Variants in SNX13 observed in about 807,000 individuals in gnomAD.
SNX13 encodes the protein sorting nexin 13.
A neutral mutation model predicts 133.6 loss-of-function variants in SNX13; 45 were observed. That is an observed-to-expected ratio of 0.34 (90% CI 0.27 to 0.43). The LOEUF is 0.43. Ranked by LOEUF, SNX13 falls within the 20% of genes least tolerant of loss-of-function variation. The probability of loss-of-function intolerance (pLI) is 1.00; values close to 1 mark genes in which losing one functional copy is unlikely to be tolerated. For missense variants in SNX13, 1,032 were observed against 1,145.1 expected, an observed-to-expected ratio of 0.90 and a Z score of 1.43; for synonymous variants, 414 against 373.9, an observed-to-expected ratio of 1.11 and a Z score of -1.24.
At chr7:17,834,009 T>A (rs368702040) in intron 15 of SNX13, 43 bp downstream of exon 15, 4 of 1,339,124 alleles carry the variant, frequency 3.0e-6, no homozygotes, top group Middle Eastern at 1.9e-4. Context: ...AGAATATATA[T>A]AAATATATAT....
chr7:17,810,975 A>G lies in SNX13; in HGVS notation c.2064+3859T>C, dbSNP rs572572843. Among the ~76,000 whole-genome samples the G allele has an allele frequency of 2.0e-5, 3 of 152,326 alleles. No individual in the cohort carries two copies. The South Asian group carries it at 6.2e-4, about 32-fold the overall frequency. On this transcript the variant is annotated intron_variant, in intron 20 of 25. Transcript: ENST00000428135. ...ACACCCCTTCATGCTAAAAACTCTC[A>G]ATAAACTAGGTATCAATGGAACGTA...
intron 9 of SNX13, among the ~76,000 whole-genome samples, chr7:17,866,104 C>A (rs1793365378): frequency 6.6e-6 from 1 of 152,058 alleles, no homozygotes; most frequent in South Asian, 2.1e-4. Flanking sequence ...CATAAGACCT[C>A]AAAAGCATAG....
intron 5 of SNX13, chr7:17,888,789 C>T: frequency 2.1e-6 from 1 of 468,740 alleles, no homozygotes; most frequent in Non-Finnish European, 4.4e-6. Context: ...GACAATTATC[C>T]TGAGAGGAAC....
At chr7:17,830,895 C>A in intron 15 of SNX13, 1 of 984,310 alleles carries the variant, frequency 1.0e-6, no homozygotes, top group Non-Finnish European at 1.2e-6. Flanking sequence ...ACTACTATTC[C>A]TACAAGGAGG....
chr7:17,937,064 G>A (rs1370290227), intron 1 of SNX13, among the ~76,000 whole-genome samples: 1 of 140,956 alleles, frequency 7.1e-6, no homozygotes, highest in African/African-American at 2.6e-5. Flanking sequence ...GCTCATCCCT[G>A]TATGTAAAAT....
chr7:17,843,415 A>T (rs1790133690), intron 12 of SNX13, among the ~76,000 whole-genome samples: 1 of 152,118 alleles, frequency 6.6e-6, no homozygotes, highest in African/African-American at 2.4e-5. Context: ...CTATTAACAG[A>T]TCACCAAAAT....
At chr7:17,794,452 C>T in intron 25 of SNX13, 160 bp from the exon 26 acceptor site, 6 of 803,556 alleles carry the variant, frequency 7.5e-6, no homozygotes, top group Non-Finnish European at 1.1e-5. Flanking sequence ...ACTTAATATG[C>T]ATCTTTGCAT....
chr7:17,900,661 C>T (rs1051350349), intron 1 of SNX13, among the ~76,000 whole-genome samples: 5 of 152,108 alleles, frequency 3.3e-5, no homozygotes, highest in African/African-American at 1.2e-4. Context: ...GCTCTTCTGT[C>T]AGCTGTGGTG....
intron 25 of SNX13, chr7:17,796,009 T>TAA (rs1784014522): frequency 6.6e-6 from 1 of 151,726 alleles, no homozygotes; most frequent in South Asian, 2.1e-4. Flanking sequence ...ATTGGTATTG[T>TAA]GTGATATTAA....
chr7:17,864,670 C>A (rs1367058659), intron 9 of SNX13, among the ~76,000 whole-genome samples: 1 of 151,676 alleles, frequency 6.6e-6, no homozygotes, highest in Non-Finnish European at 1.5e-5. Context: ...CGAAAAACAC[C>A]AATAAAATTC....
At chr7:17,896,291 T>C (rs1430349465) in intron 2 of SNX13, among the ~76,000 whole-genome samples, 1 of 152,194 alleles carries the variant, frequency 6.6e-6, no homozygotes, top group Non-Finnish European at 1.5e-5. Flanking sequence ...ATGAAAATAC[T>C]AAATCTAACA....
intron 9 of SNX13, among the ~76,000 whole-genome samples, chr7:17,867,344 C>T (rs1457022885): frequency 6.6e-6 from 1 of 152,162 alleles, no homozygotes; most frequent in Non-Finnish European, 1.5e-5. Flanking sequence ...CAATGGCTCA[C>T]ACCTGTAATC....
chr7:17,856,785 T>TAAA (rs200753998), intron 9 of SNX13, among the ~76,000 whole-genome samples: 26 of 97,520 alleles, frequency 2.7e-4, no homozygotes, highest in African/African-American at 4.0e-4. Context: ...GAGACTCTCT[T>TAAA]AAAAAAAAAA....
chr7:17,934,926 G>C (rs1801852489), intron 1 of SNX13, among the ~76,000 whole-genome samples: 1 of 152,152 alleles, frequency 6.6e-6, no homozygotes, highest in South Asian at 2.1e-4. Flanking sequence ...GTACACTGTA[G>C]GTAGAAATGC....
At chr7:17,892,908 G>C (rs1017465829) in intron 3 of SNX13, among the ~76,000 whole-genome samples, 1 of 152,022 alleles carries the variant, frequency 6.6e-6, no homozygotes, top group Admixed American at 6.6e-5. Context: ...TAAAATTATA[G>C]ATACTGCATA....
At chr7:17,899,922 T>C (rs1260594876) in intron 1 of SNX13, 1 of 152,190 alleles carries the variant, frequency 6.6e-6, no homozygotes, top group Admixed American at 6.5e-5. Context: ...CTTTACAGTC[T>C]GGGCTTGTTT....
At position 17,924,970 on chromosome 7, in the gene SNX13, G is replaced by C. The variant is rs909124104; in HGVS notation, c.12+15314C>G. ...CCCCTGTAATCCCAGCACTTTAGGA[G>C]GCCAAGGCGGGCAGATCACTTGAGT... On this transcript the variant is annotated intron_variant, in intron 1 of 25. Transcript: ENST00000428135. Among the ~76,000 whole-genome samples the C allele has an allele frequency of 2.0e-5, 3 of 152,148 alleles. No individual in the cohort carries two copies. The South Asian group carries it at 6.2e-4, about 31-fold the overall frequency.
chr7:17,880,368 C>T (rs1426522320), intron 5 of SNX13: 1 of 152,206 alleles, frequency 6.6e-6, no homozygotes, highest in East Asian at 1.9e-4. Context: ...TTGTCATATT[C>T]ATATTTCTTC....
rs869127365 is a variant in SNX13, at chr7:17,837,135, T to TA, written c.1360-2271dup. 2.2e-3 allele frequency among the ~76,000 whole-genome samples: 338 copies of TA among 151,308 alleles called. 1 individual carries two copies. The highest frequency in any genetic ancestry group is 7.7e-3 in the African/African-American group (317 of 41,320). On this transcript the variant is annotated intron_variant, in intron 13 of 25. Transcript: ENST00000428135. ...GAAGGATCAAGTTAAATAAACTTTT[T>TA]AAAAAAAAAATTTTTTAAGAGGCAG...
Sources: gnomAD v4.1 joint callset for allele counts (sites outside exome capture counted in the v4.1 genomes callset) on GRCh38, gnomAD v4.1.1 for gene constraint, MANE v1.5 for transcripts, NCBI Gene and HGNC (gene_info 2026-07-23, HGNC 2026-07-21) for gene names.